PCP4: variants seen among roughly 807,000 people sequenced by gnomAD.
The protein encoded by PCP4 is calmodulin regulator protein PCP4.
A neutral mutation model predicts 10.0 loss-of-function variants in PCP4; 8 were observed. The ratio of observed to expected loss-of-function variants is 0.80; its 90% CI spans 0.47 to 1.45. The LOEUF (loss-of-function observed/expected upper bound fraction) is 1.45, where lower values mean the gene tolerates loss of function less well. PCP4 is among the 40% of genes most tolerant of loss of function. The pLI is 0.00. For missense variants in PCP4, 54 were observed against 74.4 expected (o/e 0.73, Z 1.01); for synonymous variants, 21 against 23.0 (o/e 0.91, Z 0.24).
Position 39,898,526 on chromosome 21 carries a change from T to C in PCP4, c.60T>C (p.Asn20=). 1 of 1,613,326 alleles carries C rather than the reference T, an allele frequency of 6.2e-7. No individual in the cohort carries two copies. Among genetic ancestry groups the C allele is most frequent in the African/African-American group, 1.3e-5 (1 of 75,018 alleles). The part of the protein sequence containing the change: ...TNGKDKTSGE[N]DGQKKVQEEF... ...GAAAAGACAAGACATCTGGTGAAAA[T>C]GGTAAGAGGACATGAATAGTCCAAG... Residue 20 remains asparagine (N), a splice_region_variant and synonymous_variant, in exon 2 of 3, where the codon AAT becomes AAC. Transcript: ENST00000328619.
At chr21:39,915,824 C>T (rs1372539741) in intron 2 of PCP4, among the ~76,000 whole-genome samples, 2 of 152,144 alleles carry the variant, frequency 1.3e-5, no homozygotes, top group Non-Finnish European at 2.9e-5. Context: ...AGTAAGGAGG[C>T]TGGAAACTGT....
chr21:39,867,527 C>G lies in PCP4; in HGVS notation c.9+17C>G, dbSNP rs767036049. 1 of 1,613,474 alleles carries G rather than the reference C, an allele frequency of 6.2e-7. No homozygotes were observed. The highest frequency in any genetic ancestry group is 2.2e-5 in the East Asian group (1 of 44,862). On this transcript the variant is annotated intron_variant, in intron 1 of 2. Coordinates refer to ENST00000328619, the MANE Select transcript of PCP4 (RefSeq NM_006198.3). Reference sequence around the variant, plus strand: ...ATGAGTGAGGTGAGTGATGCTTCGACCTGGAGAGGGAAACTTAGGAGTGAG... The same window carrying G: ...ATGAGTGAGGTGAGTGATGCTTCGAGCTGGAGAGGGAAACTTAGGAGTGAG...
intron 1 of PCP4, among the ~76,000 whole-genome samples, chr21:39,887,174 C>T (rs2087404285): frequency 6.6e-6 from 1 of 152,098 alleles, no homozygotes; most frequent in Admixed American, 6.5e-5. Flanking sequence ...AATTAATTCT[C>T]TTACCATAAA....
intron 1 of PCP4, among the ~76,000 whole-genome samples, chr21:39,875,747 T>C (rs2087342519): frequency 6.6e-6 from 1 of 152,240 alleles, no homozygotes; most frequent in Non-Finnish European, 1.5e-5. Flanking sequence ...AAGTTTTTGA[T>C]AGTGTACCTT....
intron 2 of PCP4, among the ~76,000 whole-genome samples, chr21:39,911,124 G>A (rs2087538131): frequency 6.6e-6 from 1 of 152,076 alleles, no homozygotes; most frequent in Non-Finnish European, 1.5e-5. Context: ...TGAGTCCACA[G>A]GAGAAATACG....
chr21:39,911,278 T>C (rs1372678117), intron 2 of PCP4, among the ~76,000 whole-genome samples: 1 of 152,132 alleles, frequency 6.6e-6, no homozygotes, highest in African/African-American at 2.4e-5. Context: ...TGGGTGAAAA[T>C]GGGAAAATTT....
intron 1 of PCP4, among the ~76,000 whole-genome samples, chr21:39,873,015 T>C (rs1191432870): frequency 1.3e-5 from 2 of 152,180 alleles, no homozygotes; most frequent in Non-Finnish European, 2.9e-5. Flanking sequence ...TGGGAAAATG[T>C]CAGGGAAAAT....
intron 2 of PCP4, among the ~76,000 whole-genome samples, chr21:39,903,076 C>T (rs369650116): frequency 5.3e-5 from 8 of 152,074 alleles, no homozygotes; most frequent in South Asian, 2.1e-4. Context: ...ACTGGTTGTC[C>T]GGAGAGACTC....
chr21:39,896,187 A>G (rs1256885444), intron 1 of PCP4, among the ~76,000 whole-genome samples: 1 of 152,224 alleles, frequency 6.6e-6, no homozygotes, highest in Non-Finnish European at 1.5e-5. Context: ...AGGCATCCAT[A>G]TTTAAGGCAT....
chr21:39,867,542 T>C (rs776059586), intron 1 of PCP4, 32 bp downstream of exon 1: 20 of 1,608,624 alleles, frequency 1.2e-5, no homozygotes, highest in Non-Finnish European at 1.5e-5. Flanking sequence ...AGAGGGAAAC[T>C]TAGGAGTGAG....
At chr21:39,898,579 T>G (rs939101379) in intron 2 of PCP4, 52 bp downstream of exon 2, 1 of 1,390,474 alleles carries the variant, frequency 7.2e-7, no homozygotes, top group South Asian at 1.2e-5. Flanking sequence ...TCTGCAGCCC[T>G]GGGTATGCAG....
At chr21:39,913,695 A>G (rs1057297609) in intron 2 of PCP4, among the ~76,000 whole-genome samples, 7 of 152,176 alleles carry the variant, frequency 4.6e-5, no homozygotes, top group African/African-American at 1.4e-4. Flanking sequence ...ATGGGCGTCT[A>G]TCAGCTCAGC....
chr21:39,922,927 T>C (rs749427762), intron 2 of PCP4, among the ~76,000 whole-genome samples: 52 of 152,186 alleles, frequency 3.4e-4, no homozygotes, highest in Non-Finnish European at 6.2e-4. Flanking sequence ...GGGACCATTT[T>C]TTTGGAGCTA....
intron 2 of PCP4, among the ~76,000 whole-genome samples, chr21:39,913,741 T>C (rs2087552835): frequency 6.6e-6 from 1 of 152,172 alleles, no homozygotes; most frequent in South Asian, 2.1e-4. Flanking sequence ...TGACCCTGGC[T>C]TTGCTTCACA....
intron 1 of PCP4, among the ~76,000 whole-genome samples, chr21:39,879,497 A>G (rs2087361866): frequency 6.6e-6 from 1 of 152,142 alleles, no homozygotes; most frequent in Admixed American, 6.6e-5. Context: ...TGAAATTCCT[A>G]TGAGAGTTCC....
At chr21:39,869,121 T>G (rs947915232) in intron 1 of PCP4, among the ~76,000 whole-genome samples, 2 of 152,170 alleles carry the variant, frequency 1.3e-5, no homozygotes, top group Non-Finnish European at 2.9e-5. Context: ...AATAAGAGTT[T>G]CCTATAGAAG....
chr21:39,900,177 G>A (rs1243570660), intron 2 of PCP4, among the ~76,000 whole-genome samples: 3 of 152,174 alleles, frequency 2.0e-5, no homozygotes, highest in East Asian at 1.9e-4. Flanking sequence ...TGGGATTACA[G>A]GCACCCACCA....
intron 2 of PCP4, among the ~76,000 whole-genome samples, chr21:39,908,978 C>T (rs933785486): frequency 3.9e-5 from 6 of 152,148 alleles, no homozygotes; most frequent in Non-Finnish European, 7.4e-5. Context: ...TTAAATTGCA[C>T]GTATTTCCTT....
At chr21:39,908,081 G>T (rs2087521649) in intron 2 of PCP4, among the ~76,000 whole-genome samples, 1 of 152,080 alleles carries the variant, frequency 6.6e-6, no homozygotes, top group Non-Finnish European at 1.5e-5. Flanking sequence ...AAGTGGGAAT[G>T]ATTTTTGTAT....
Sources: allele counts gnomAD v4.1 joint callset (sites outside exome capture counted in the v4.1 genomes callset), GRCh38; gene constraint gnomAD v4.1.1; transcripts MANE v1.5; gene names NCBI Gene and HGNC (gene_info 2026-07-23, HGNC 2026-07-21).